The following ANKRD30A variants were observed in gnomAD, a reference collection of about 807,000 sequenced individuals.
ANKRD30A encodes the protein ankyrin repeat domain 30A, also known as ankyrin repeat domain-containing protein 30A.
Under a neutral mutation model 166.3 loss-of-function variants are expected in ANKRD30A, and 170 were observed. The observed-to-expected ratio is 1.02, with a 90% CI of 0.90 to 1.16. The LOEUF is 1.16. Among genes scored for constraint, ANKRD30A ranks in the 50% most tolerant of loss-of-function variants. ANKRD30A has a pLI of 0.00. For synonymous variants in ANKRD30A, 564 were observed against 508.9 expected, an observed-to-expected ratio of 1.11 and a Z score of -1.46; for missense variants, 1,630 against 1,518.0, an observed-to-expected ratio of 1.07 and a Z score of -1.23.
Position 37,132,345 on chromosome 10 carries a change from T to C in ANKRD30A, c.616T>C (p.Cys206Arg). Reference sequence around the variant, plus strand: ...TGCGAATGCAGTTAATAAGTATAAATGGTATAGTAGTTCTTTTTTTATTAA... The same window carrying C: ...TGCGAATGCAGTTAATAAGTATAAACGGTATAGTAGTTCTTTTTTTATTAA... ...ANANAVNKYKCTALMLAVCHG... is the reference protein window; with the variant it reads ...ANANAVNKYKRTALMLAVCHG... Residue 206 changes from cysteine to arginine, a missense_variant and splice_region_variant, in exon 4 of 36, where the codon TGC becomes CGC. Around this residue, in one of 4 missense-constraint regions of ANKRD30A, gnomAD observed 904 missense variants for 818.5 expected, o/e 1.10. Coordinates refer to ENST00000361713, the MANE Select transcript of ANKRD30A (RefSeq NM_052997.3). The C allele has an allele frequency of 6.4e-7, 1 of 1,561,378 alleles. No individual in the cohort carries two copies. Among genetic ancestry groups the C allele is most frequent in the South Asian group, 1.2e-5 (1 of 82,374 alleles).
intron 31 of ANKRD30A, among the ~76,000 whole-genome samples, chr10:37,210,362 A>G (rs966678934): frequency 3.9e-5 from 6 of 152,114 alleles, no homozygotes. Flanking sequence ...TCCAATGTCT[A>G]TCATTGATGG....
In ANKRD30A at chr10:37,194,072, T is replaced by C. The variant is rs1840842750; in HGVS notation, c.2614+814T>C. Among the ~76,000 whole-genome samples, 2 of 152,144 alleles carry C rather than the reference T, an allele frequency of 1.3e-5. 1 individual carries two copies. The highest frequency in any genetic ancestry group is 4.8e-5 in the African/African-American group (2 of 41,524). On this transcript the variant is annotated intron_variant, in intron 27 of 35. Transcript: ENST00000361713. ...GTAGCCGGTTGTGGTGGTGGGTGCCTGTCATCTCAGCTACTCTGGAGGCTG... is the reference window on the plus strand; with the variant it reads ...GTAGCCGGTTGTGGTGGTGGGTGCCCGTCATCTCAGCTACTCTGGAGGCTG...
At chr10:37,200,135 C>A (rs1380515592) in intron 30 of ANKRD30A, among the ~76,000 whole-genome samples, 4 of 151,978 alleles carry the variant, frequency 2.6e-5, no homozygotes, top group Non-Finnish European at 5.9e-5. Flanking sequence ...TGTCTTATAT[C>A]TAGATGTACA....
rs754713129 is a variant in ANKRD30A at position 37,193,152 on chromosome 10, G to T, written c.2542-34G>T. On this transcript the variant is annotated intron_variant, in intron 26 of 35. Transcript: ENST00000361713. The stretch of plus-strand genomic sequence containing the variant: ...CTACATATTTTATGAAGTATACATT[G>T]TATATTAATTGTTTTGTTTCTAAAC... 4.4e-6 allele frequency: 7 copies of T among 1,608,044 alleles called. No individual in the cohort carries two copies. The Admixed American group carries it at 5.0e-5, about 12-fold the overall frequency.
chr10:37,183,699 T>C (rs1415050361), intron 24 of ANKRD30A, among the ~76,000 whole-genome samples: 1 of 148,046 alleles, frequency 6.8e-6, no homozygotes, highest in Non-Finnish European at 1.5e-5. Flanking sequence ...GTGAAAATTC[T>C]CCACGGCTTC....
At chr10:37,232,901 A>AC (rs953168777), downstream of ANKRD30A, among the ~76,000 whole-genome samples, 7 of 149,472 alleles carry the variant, frequency 4.7e-5, no homozygotes, top group African/African-American at 7.3e-5. Context: ...TAAAAAAAAA[A>AC]AAAAAACAAA....
At chr10:37,193,704 T>A (rs1450640598) in intron 27 of ANKRD30A, among the ~76,000 whole-genome samples, 1 of 151,986 alleles carries the variant, frequency 6.6e-6, no homozygotes, top group African/African-American at 2.4e-5. Context: ...TAGATGACTG[T>A]GTGTTTGTGT....
intron 34 of ANKRD30A, among the ~76,000 whole-genome samples, chr10:37,223,579 A>C (rs1842991729): frequency 6.6e-6 from 1 of 151,394 alleles, no homozygotes; most frequent in African/African-American, 2.4e-5. Flanking sequence ...ATGCATAAAA[A>C]CTTTTTTACC....
intron 31 of ANKRD30A, among the ~76,000 whole-genome samples, chr10:37,204,000 AATGGAAGAGCATTCC>A (rs1841824933): frequency 3.3e-5 from 5 of 152,142 alleles, no homozygotes; most frequent in Admixed American, 3.3e-4. Context: ...GACACAAACA[AATGGAAGAGCATTCC>A]ATGCTTATGG....
chr10:37,213,465 A>G (rs532096147), intron 31 of ANKRD30A, among the ~76,000 whole-genome samples: 10 of 151,814 alleles, frequency 6.6e-5, no homozygotes, highest in Non-Finnish European at 1.2e-4. Flanking sequence ...TTAGCATACG[A>G]AAATTGCAAG....
chr10:37,237,141 C>T (rs1843703025), downstream of ANKRD30A, among the ~76,000 whole-genome samples: 1 of 152,178 alleles, frequency 6.6e-6, no homozygotes, highest in African/African-American at 2.4e-5. Flanking sequence ...AAAATCTATA[C>T]ATTTCTCCTA....
chr10:37,129,791 G>A, intron 1 of ANKRD30A, 102 bp from the exon 2 acceptor site: 1 of 545,044 alleles, frequency 1.8e-6, no homozygotes, highest in Non-Finnish European at 2.9e-6. Context: ...TGTTTTGAAG[G>A]CAGAGAAAGA....
intron 33 of ANKRD30A, 74 bp from the exon 34 acceptor site, chr10:37,218,906 T>C (rs540040428): frequency 8.3e-6 from 8 of 965,198 alleles, no homozygotes; most frequent in African/African-American, 6.7e-5. Flanking sequence ...GTACAAGTTA[T>C]TCTTTAGTTT....
intron 27 of ANKRD30A, among the ~76,000 whole-genome samples, chr10:37,194,149 T>C (rs905257917): frequency 1.3e-5 from 2 of 151,978 alleles, no homozygotes; most frequent in Admixed American, 1.3e-4. Context: ...GAGCCGAGCT[T>C]GTGCCACTTT....
Position 37,215,492 on chromosome 10 carries a change from C to G in ANKRD30A, c.2870-689C>G, listed in dbSNP as rs370135416. 4.0e-5 allele frequency among the ~76,000 whole-genome samples: 6 copies of G among 151,308 alleles called. No individual in the cohort carries two copies. The East Asian group carries it at 1.2e-3, about 29-fold the overall frequency. On this transcript the variant is annotated intron_variant, in intron 31 of 35. Coordinates refer to ENST00000361713, the MANE Select transcript of ANKRD30A (RefSeq NM_052997.3). ...TAATGTCTGTCTGCTTTGGTTTTAC[C>G]AGACTCTAAGCTTCATCACTGTAAC...
chr10:37,146,770 A>G (rs570776503), intron 8 of ANKRD30A, among the ~76,000 whole-genome samples: 1 of 152,314 alleles, frequency 6.6e-6, no homozygotes, highest in East Asian at 1.9e-4. Context: ...CCTGTGGTAC[A>G]TCAAAGGTGA....
intron 1 of ANKRD30A, 27 bp downstream of exon 1, chr10:37,126,035 T>C: frequency 1.3e-6 from 2 of 1,549,404 alleles, no homozygotes; most frequent in Non-Finnish European, 1.8e-6. Context: ...GAGCCGGGGC[T>C]GCAGGAGGAG....
intron 9 of ANKRD30A, among the ~76,000 whole-genome samples, chr10:37,148,250 T>C (rs1307811678): frequency 6.6e-6 from 1 of 152,026 alleles, no homozygotes; most frequent in Non-Finnish European, 1.5e-5. Context: ...AGAAGAGCAA[T>C]TGGATAAAAG....
intron 1 of ANKRD30A, among the ~76,000 whole-genome samples, chr10:37,127,081 A>T (rs955882425): frequency 1.4e-5 from 2 of 138,776 alleles, no homozygotes; most frequent in African/African-American, 5.2e-5. Context: ...AAAAAAAAAA[A>T]AAAATCACAA....
Sources: allele counts gnomAD v4.1 joint callset (sites outside exome capture counted in the v4.1 genomes callset), GRCh38; gene constraint gnomAD v4.1.1; regional missense constraint gnomAD v4.1.1; transcripts MANE v1.5; gene names NCBI Gene and HGNC (gene_info 2026-07-23, HGNC 2026-07-21).